Variants in TYW1 observed in about 807,000 individuals in gnomAD.
TYW1 encodes the protein S-adenosyl-L-methionine-dependent tRNA 4-demethylwyosine synthase TYW1.
In TYW1, 46 loss-of-function variants were observed where a neutral mutation model predicts 96.2. The observed-to-expected ratio is 0.48, with a 90% CI of 0.38 to 0.61. TYW1 has a LOEUF of 0.61. Among genes scored for constraint, TYW1 ranks in the 20% least tolerant of loss-of-function variants. The pLI is 0.00. For synonymous variants in TYW1, 274 were observed against 323.0 expected, an observed-to-expected ratio of 0.85 and a Z score of 1.63; for missense variants, 684 against 909.6, an observed-to-expected ratio of 0.75 and a Z score of 3.19.
intron 13 of TYW1, among the ~76,000 whole-genome samples, chr7:67,155,534 C>T (rs192019497): frequency 3.2e-4 from 49 of 151,194 alleles, no homozygotes; most frequent in Non-Finnish European, 5.2e-4. Flanking sequence ...CTCTTTTCTT[C>T]ATAAATTACC....
At chr7:67,151,757 T>A (rs1798807137) in intron 13 of TYW1, among the ~76,000 whole-genome samples, 1 of 152,114 alleles carries the variant, frequency 6.6e-6, no homozygotes, top group Non-Finnish European at 1.5e-5. Context: ...TGACTTGTTT[T>A]TATAAATAAA....
intron 6 of TYW1, among the ~76,000 whole-genome samples, chr7:67,023,383 C>T (rs1300771779): frequency 6.6e-6 from 1 of 152,094 alleles, no homozygotes; most frequent in African/African-American, 2.4e-5. Context: ...AGGAGTGAGC[C>T]ACTGTGTCCG....
At chr7:67,232,486 A>G (rs193184400) in intron 15 of TYW1, among the ~76,000 whole-genome samples, 1 of 150,850 alleles carries the variant, frequency 6.6e-6, no homozygotes, top group East Asian at 1.9e-4. Context: ...GTTGCAATGA[A>G]GCCGAGATTG....
At chr7:67,125,930 C>T (rs1797899466) in intron 13 of TYW1, among the ~76,000 whole-genome samples, 1 of 152,080 alleles carries the variant, frequency 6.6e-6, no homozygotes, top group East Asian at 1.9e-4. Context: ...AAACAATATT[C>T]TGTTGTCTGG....
At position 67,017,925 on chromosome 7, in the gene TYW1, T is replaced by C; in HGVS notation, c.643T>C (p.Cys215Arg). The part of the protein sequence containing the change: ...HRVMSRGEGD[C>R]DVVKSKHGSI... ...TGTGATGAGTCGAGGGGAGGGCGAC[T>C]GCGACGTGGTTAAAAGCAAGCACGG... The change falls in exon 6 of 16, where the codon TGC becomes CGC. Residue 215 changes from cysteine (C) to arginine (R), a missense_variant. Physicochemically the swap from Cys to Arg is radical, Grantham distance 180. Coordinates refer to ENST00000359626, the MANE Select transcript of TYW1 (RefSeq NM_018264.4). 6.2e-7 allele frequency: 1 copy of C among 1,614,158 alleles called. No individual in the cohort carries two copies. The highest frequency in any genetic ancestry group is 8.5e-7 in the Non-Finnish European group (1 of 1,180,030).
chr7:67,009,985 CT>C (rs1174548567), intron 4 of TYW1, among the ~76,000 whole-genome samples: 149 of 129,702 alleles, frequency 1.1e-3, no homozygotes, highest in Middle Eastern at 4.7e-3. Context: ...TTTTTCTTTT[CT>C]TTTTTTTTTT....
At chr7:67,051,101 T>G (rs1156581623) in intron 8 of TYW1, among the ~76,000 whole-genome samples, 3 of 152,134 alleles carry the variant, frequency 2.0e-5, no homozygotes, top group African/African-American at 7.2e-5. Context: ...ACTCCTGGCC[T>G]CAAGTGTGAT....
chr7:67,070,985 G>A (rs1182006772), intron 10 of TYW1, among the ~76,000 whole-genome samples: 5 of 151,944 alleles, frequency 3.3e-5, no homozygotes, highest in Non-Finnish European at 7.4e-5. Flanking sequence ...GAAAAAATTA[G>A]CCGGGCGTGG....
At chr7:67,094,610 C>T (rs1197726760) in intron 11 of TYW1, among the ~76,000 whole-genome samples, 2 of 148,480 alleles carry the variant, frequency 1.3e-5, no homozygotes, top group African/African-American at 2.5e-5. Context: ...CTTACACTTT[C>T]GTATTTCTAA....
chr7:67,089,991 C>T (rs1460780741), intron 11 of TYW1, among the ~76,000 whole-genome samples: 5 of 152,180 alleles, frequency 3.3e-5, no homozygotes. Flanking sequence ...CAAGTGATTG[C>T]ACCGTCTTTG....
intron 13 of TYW1, among the ~76,000 whole-genome samples, chr7:67,145,222 C>T (rs1798572844): frequency 6.9e-6 from 1 of 144,978 alleles, no homozygotes; most frequent in Admixed American, 7.1e-5. Context: ...GATCTTGGCT[C>T]ACTGCAAGCT....
chr7:67,205,394 G>A (rs1368986241), intron 15 of TYW1, among the ~76,000 whole-genome samples: 1 of 151,826 alleles, frequency 6.6e-6, no homozygotes, highest in African/African-American at 2.4e-5. Context: ...GGCGGGGGGG[G>A]GGCCTTATTG....
chr7:67,167,692 A>G (rs950389172), intron 13 of TYW1, among the ~76,000 whole-genome samples: 1 of 151,120 alleles, frequency 6.6e-6, no homozygotes, highest in Non-Finnish European at 1.5e-5. Context: ...CTGCAGTGTC[A>G]GTTTTGTCAT....
At chr7:67,057,162 G>A (rs896899044) in intron 9 of TYW1, among the ~76,000 whole-genome samples, 6 of 151,392 alleles carry the variant, frequency 4.0e-5, no homozygotes, top group African/African-American at 4.9e-5. Flanking sequence ...CTACAGGCGC[G>A]CACCACCACG....
At chr7:67,129,004 T>C (rs1797986968) in intron 13 of TYW1, among the ~76,000 whole-genome samples, 1 of 152,172 alleles carries the variant, frequency 6.6e-6, no homozygotes, top group African/African-American at 2.4e-5. Flanking sequence ...CTCAGTCTTT[T>C]AGTGAGGCTG....
At chr7:67,138,548 G>C (rs1417347583) in intron 13 of TYW1, among the ~76,000 whole-genome samples, 1 of 152,082 alleles carries the variant, frequency 6.6e-6, no homozygotes, top group African/African-American at 2.4e-5. Context: ...TCAACCTGTT[G>C]TGCTATCAAA....
chr7:67,111,532 A>G (rs1280906174), intron 12 of TYW1, among the ~76,000 whole-genome samples: 1 of 152,200 alleles, frequency 6.6e-6, no homozygotes, highest in Non-Finnish European at 1.5e-5. Context: ...CAAAAGTATG[A>G]AAATGATGAC....
At chr7:67,142,051 A>G (rs1798466403) in intron 13 of TYW1, among the ~76,000 whole-genome samples, 1 of 152,148 alleles carries the variant, frequency 6.6e-6, no homozygotes, top group African/African-American at 2.4e-5. Context: ...AAGATAACAC[A>G]TGAAAACTCT....
rs1391713528 is a variant in TYW1, at chr7:67,101,995, T to C, written c.1562+3277T>C. On this transcript the variant is annotated intron_variant, in intron 12 of 15. Coordinates refer to ENST00000359626, the MANE Select transcript of TYW1 (RefSeq NM_018264.4). ...GGTTGCCATTTCTGTTTTTAAACTTTAGTTGGGTTTTAAATTCCTGAATTT... is the reference window on the plus strand; with the variant it reads ...GGTTGCCATTTCTGTTTTTAAACTTCAGTTGGGTTTTAAATTCCTGAATTT... Among the ~76,000 whole-genome samples the C allele has an allele frequency of 2.0e-5, 3 of 152,246 alleles. 1 individual carries two copies. The highest frequency in any genetic ancestry group is 4.1e-4 in the South Asian group (2 of 4,834).
Sources: allele counts gnomAD v4.1 joint callset (sites outside exome capture counted in the v4.1 genomes callset), GRCh38; gene constraint gnomAD v4.1.1; transcripts MANE v1.5; gene names NCBI Gene and HGNC (gene_info 2026-07-23, HGNC 2026-07-21).